The following ANK1 variants were observed in gnomAD, a reference collection of about 807,000 sequenced individuals.
ANK1 encodes ankyrin-1.
ANK1 carries 51 observed loss-of-function variants against 210.4 expected under a neutral mutation model. The observed-to-expected ratio is 0.24, with a 90% CI of 0.19 to 0.31. ANK1 has a LOEUF of 0.31. ANK1 is among the 10% of genes least tolerant of loss of function. The pLI is 1.00. For synonymous variants in ANK1, 967 were observed against 1,025.9 expected, an observed-to-expected ratio of 0.94 and a Z score of 1.10; for missense variants, 2,051 against 2,504.4, an observed-to-expected ratio of 0.82 and a Z score of 3.86.
chr8:41,806,779 A>G (rs1382936591), intron 1 of ANK1, among the ~76,000 whole-genome samples: 3 of 152,140 alleles, frequency 2.0e-5, no homozygotes, highest in Non-Finnish European at 2.9e-5. Flanking sequence ...GTAAGAGCAG[A>G]TTGTGACAGG....
intron 1 of ANK1, among the ~76,000 whole-genome samples, chr8:41,772,336 T>C (rs1843120876): frequency 6.6e-6 from 1 of 152,214 alleles, no homozygotes; most frequent in Non-Finnish European, 1.5e-5. Context: ...GCTTCACCCA[T>C]CTCTCCAATA....
At chr8:41,823,190 T>G (rs144336282) in intron 1 of ANK1, among the ~76,000 whole-genome samples, 34 of 152,282 alleles carry the variant, frequency 2.2e-4, no homozygotes, top group African/African-American at 7.7e-4. Context: ...TACTGACGCA[T>G]GGGAGTATTT....
chr8:41,848,747 G>A (rs1474315774), intron 1 of ANK1, among the ~76,000 whole-genome samples: 1 of 152,184 alleles, frequency 6.6e-6, no homozygotes, highest in Non-Finnish European at 1.5e-5. Flanking sequence ...TGCTCTTAAG[G>A]TGATCTCATG....
At position 41,876,177 on chromosome 8, in the gene ANK1, C is replaced by T. The variant is rs554236143; in HGVS notation, c.126+20178G>A. The stretch of plus-strand genomic sequence containing the variant: ...GCTGGGCTCCCGAGGCGGCGCTCCC[C>T]AGGCGGGCGCGGGGACGGCCCTGTC... On this transcript the variant is annotated intron_variant, in intron 1 of 42. Transcript: ENST00000265709. 8.6e-3 allele frequency among the ~76,000 whole-genome samples: 1,303 copies of T among 152,228 alleles called. 23 individuals are homozygous for T. The highest frequency in any genetic ancestry group is 0.028 in the African/African-American group (1,159 of 41,560).
Position 41,672,393 on chromosome 8 carries a change from G to GA in ANK1, c.5056dup (p.Ser1686PhefsTer55). ...CTCCGTCACCTGACTCACGGTGGGG[G>GA]AATGTGTGATTCGGGCTTGCCCCCT... On this transcript the variant is annotated frameshift_variant, in exon 38 of 43. Coordinates refer to ENST00000289734, the MANE Select transcript of ANK1 (RefSeq NM_000037.4). LOFTEE classifies it high-confidence loss of function. The GA allele has an allele frequency of 6.2e-7, 1 of 1,614,206 alleles. No individual in the cohort carries two copies. Among genetic ancestry groups the GA allele is most frequent in the Non-Finnish European group, 8.5e-7 (1 of 1,180,038 alleles).
Position 41,848,145 on chromosome 8 carries a change from A to G in ANK1, c.126+48210T>C, listed in dbSNP as rs1810426225. Among the ~76,000 whole-genome samples the G allele has an allele frequency of 2.0e-5, 3 of 152,150 alleles. No homozygotes were observed. In the South Asian group the frequency reaches 6.2e-4, roughly 32 times the overall value. On this transcript the variant is annotated intron_variant, in intron 1 of 42. Coordinates refer to the ANK1 transcript ENST00000265709. ...GGTTGCAGTGAGCTGAGATCATGCCACTGCACTCCAGCCTGGGGGAATACA... is the reference window on the plus strand; with the variant it reads ...GGTTGCAGTGAGCTGAGATCATGCCGCTGCACTCCAGCCTGGGGGAATACA...
At chr8:41,702,622 G>T (rs1243288023) in intron 20 of ANK1, among the ~76,000 whole-genome samples, 2 of 152,194 alleles carry the variant, frequency 1.3e-5, no homozygotes, top group Non-Finnish European at 2.9e-5. Context: ...AGAATACTCG[G>T]AAATCACAAA....
At chr8:41,806,277 T>A (rs1428296532) in intron 1 of ANK1, among the ~76,000 whole-genome samples, 4 of 152,144 alleles carry the variant, frequency 2.6e-5, no homozygotes, top group Admixed American at 1.3e-4. Flanking sequence ...ATGTCCTCAT[T>A]TTGAGAATAA....
At chr8:41,663,535 G>A (rs1279238720) in intron 40 of ANK1, 124 bp downstream of exon 40, 1 of 945,914 alleles carries the variant, frequency 1.1e-6, no homozygotes, top group East Asian at 2.5e-5. Context: ...GAGCACGGGG[G>A]CAGCCAGCCT....
At chr8:41,655,843 C>T (rs1332697796) in intron 42 of ANK1, 90 bp from the exon 43 acceptor site, 82 of 1,442,356 alleles carry the variant, frequency 5.7e-5, no homozygotes, top group Non-Finnish European at 3.3e-5. Flanking sequence ...GTGCTGGCAG[C>T]TCAGGCCGAA....
chr8:41,803,509 C>A (rs2150778755), intron 1 of ANK1: 1 of 152,236 alleles, frequency 6.6e-6, no homozygotes, highest in East Asian at 1.9e-4. Context: ...ATTCACAAAT[C>A]AGGACATTTT....
chr8:41,803,085 G>GGAAGGAAGGAAGGGAAGGAAAGGAAAGGA lies in ANK1; in HGVS notation c.127-44949_127-44948insTCCTTTCCTTTCCTTCCCTTCCTTCCTTC, dbSNP rs1563811160. Among the ~76,000 whole-genome samples the GGAAGGAAGGAAGGGAAGGAAAGGAAAGGA allele has an allele frequency of 3.7e-4, 22 of 60,030 alleles. 1 individual carries two copies. Among genetic ancestry groups the GGAAGGAAGGAAGGGAAGGAAAGGAAAGGA allele is most frequent in the Admixed American group, 3.4e-3 (16 of 4,738 alleles). The allele number at this position is 60,030 out of a possible 152,430, so 39.4% of individuals were successfully genotyped here. On this transcript the variant is annotated intron_variant, in intron 1 of 42. Transcript: ENST00000265709. ...AAAGGAAGGAAGGAAGGAAGGAAGG[G>GGAAGGAAGGAAGGGAAGGAAAGGAAAGGA]AAGGAAAGGAAAGGAAAGGAAAGGA...
chr8:41,691,857 TTTAG>T (rs1368308319), intron 31 of ANK1, among the ~76,000 whole-genome samples: 1 of 152,104 alleles, frequency 6.6e-6, no homozygotes, highest in African/African-American at 2.4e-5. Context: ...GAAAAGCACT[TTTAG>T]TTATTTATTT....
intron 1 of ANK1, among the ~76,000 whole-genome samples, chr8:41,790,188 C>T (rs1847343789): frequency 1.3e-5 from 2 of 151,644 alleles, no homozygotes; most frequent in African/African-American, 2.4e-5. Context: ...CTCTTGTCGC[C>T]CAGGCTGGAG....
intron 1 of ANK1, among the ~76,000 whole-genome samples, chr8:41,769,188 A>G (rs1178664163): frequency 6.6e-6 from 1 of 152,168 alleles, no homozygotes; most frequent in East Asian, 1.9e-4. Context: ...TGAAGATGAC[A>G]ATGTGAGAAT....
At chr8:41,768,399 CA>C (rs1322756353) in intron 1 of ANK1, among the ~76,000 whole-genome samples, 1 of 152,218 alleles carries the variant, frequency 6.6e-6, no homozygotes, top group Admixed American at 6.5e-5. Context: ...TTGTACAGTA[CA>C]GCTGCGCGTT....
Position 41,663,827 on chromosome 8 carries a change from G to A in ANK1, c.5395-85C>T. The A allele has an allele frequency of 3.7e-6, 4 of 1,088,618 alleles. No individual in the cohort carries two copies. The South Asian group carries it at 3.7e-5, about 10-fold the overall frequency. 67.4% of individuals were successfully genotyped at this position (1,088,618 alleles called of 1,614,324 possible). ...TGGAGGACGAGGAAATGAAACAGCA[G>A]TAGCCACAATAGCCATGGCCCAATA... On this transcript the variant is annotated intron_variant, in intron 39 of 42. Coordinates refer to ENST00000289734, the MANE Select transcript of ANK1 (RefSeq NM_000037.4).
chr8:41,675,737 T>G (rs558325858), intron 37 of ANK1, among the ~76,000 whole-genome samples: 48 of 152,332 alleles, frequency 3.2e-4, no homozygotes, highest in African/African-American at 9.9e-4. Flanking sequence ...CAAGCTTCTT[T>G]GTAATCTCTC....
chr8:41,758,318 G>A (rs1453893211), intron 1 of ANK1, among the ~76,000 whole-genome samples, 181 bp from the exon 2 acceptor site: 1 of 152,156 alleles, frequency 6.6e-6, no homozygotes, highest in Non-Finnish European at 1.5e-5. Context: ...TTCACACCCA[G>A]GCCTCCCTTC....
Sources: allele counts gnomAD v4.1 joint callset (sites outside exome capture counted in the v4.1 genomes callset), GRCh38; gene constraint gnomAD v4.1.1; transcripts MANE v1.5; gene names NCBI Gene and HGNC (gene_info 2026-07-23, HGNC 2026-07-21).